Variants in ZNF467 observed in about 807,000 individuals in gnomAD.
The protein encoded by ZNF467 is zinc finger protein EZI.
A neutral mutation model predicts 47.8 loss-of-function variants in ZNF467; 51 were observed. The observed-to-expected ratio is 1.07, with a 90% CI of 0.85 to 1.35. The LOEUF (loss-of-function observed/expected upper bound fraction) is 1.35. Among genes scored for constraint, ZNF467 ranks in the 40% most tolerant of loss-of-function variants. ZNF467 has a pLI of 0.00. For missense variants in ZNF467, 992 were observed against 858.1 expected (o/e 1.16, Z -1.95); for synonymous variants, 416 against 372.9 (o/e 1.12, Z -1.33).
chr7:149,775,118 C>T (rs775293219), upstream of ZNF467, among the ~76,000 whole-genome samples: 9 of 152,166 alleles, frequency 5.9e-5, no homozygotes, highest in Non-Finnish European at 1.3e-4. Context: ...CTTAGCTCTG[C>T]CCCAGGGCTG....
At position 149,764,745 on chromosome 7, in the gene ZNF467, G is replaced by A. The variant is rs558872346; in HGVS notation, c.1757C>T (p.Pro586Leu). 3.2e-5 allele frequency: 50 copies of A among 1,548,640 alleles called. No individual in the cohort carries two copies. Among genetic ancestry groups the A allele is most frequent in the African/African-American group, 2.6e-4 (19 of 73,358 alleles). ...GAAGAGCGGGGGCGGCGCCACCTCG[G>A]GGGGAGCGGACCAGGCTGGGGCCGC... Reference protein sequence around the residue: ...ALAAPAWSAPPEVAPPPLFF With the variant: ...ALAAPAWSAPLEVAPPPLFF The change falls in exon 5 of 5, where the codon CCC becomes CTC. Residue 586 changes from proline to leucine, a missense_variant. Transcript: ENST00000302017.
In ZNF467 at chr7:149,764,957, G is replaced by T; in HGVS notation, c.1545C>A (p.His515Gln). Residue 515 changes from histidine to glutamine, a missense_variant, in exon 5 of 5, where the codon CAC (histidine) becomes CAA (glutamine). Physicochemically the swap from His to Gln is conservative, Grantham distance 24. Coordinates refer to ENST00000302017, the MANE Select transcript of ZNF467 (RefSeq NM_207336.3). ...HQAVHTGSRP[H>Q]ACAVCARSFS... ...AGCTGCGGGCGCAGACGGCGCAGGC[G>T]TGGGGGCGGCTGCCAGTGTGCACCG... 3 of 1,588,640 alleles carry T rather than the reference G, an allele frequency of 1.9e-6. No individual in the cohort carries two copies. The highest frequency in any genetic ancestry group is 1.1e-5 in the South Asian group (1 of 90,224).
intron 4 of ZNF467, among the ~76,000 whole-genome samples, chr7:149,767,150 G>C (rs1799250890): frequency 6.6e-6 from 1 of 152,254 alleles, no homozygotes. Flanking sequence ...CTTTGGTTCA[G>C]TCACTTAACC....
Position 149,765,110 on chromosome 7 carries a change from A to G in ZNF467, c.1392T>C (p.Cys464=), listed in dbSNP as rs2117386423. 2.0e-6 allele frequency: 3 copies of G among 1,471,070 alleles called. No homozygotes were observed. The East Asian group carries it at 8.1e-5, about 40-fold the overall frequency. The allele number at this position is 1,471,070 out of a possible 1,614,324, so 91.1% of individuals were successfully genotyped here. ...TAGGCCGCGAGCCGAAGCGGCGGTC[A>G]CACTGCGTGCAGGCGAAGGGCCGTT... is the stretch of plus-strand genomic sequence containing the variant. ...TGERPFACTQ[C]DRRFGSRPNL... Residue 464 remains cysteine, a synonymous_variant, in exon 5 of 5, where the codon TGT becomes TGC. Coordinates refer to ENST00000302017, the MANE Select transcript of ZNF467 (RefSeq NM_207336.3).
At chr7:149,766,449 C>T (rs750797811) in intron 4 of ZNF467, among the ~76,000 whole-genome samples, 1 of 152,198 alleles carries the variant, frequency 6.6e-6, no homozygotes, top group Non-Finnish European at 1.5e-5. Flanking sequence ...ACACGGCTCC[C>T]GGGGGCTTCT....
chr7:149,773,645 T>TG (rs1036093036), upstream of ZNF467, among the ~76,000 whole-genome samples: 12 of 27,096 alleles, frequency 4.4e-4, no homozygotes, highest in East Asian at 1.3e-3. Flanking sequence ...CGCGAACGGG[T>TG]GGGGGGGTGG....
rs1217544998 is a variant in ZNF467 at position 149,765,224 on chromosome 7, C to G, written c.1278G>C (p.Ser426=). Residue 426 remains serine, a synonymous_variant, in exon 5 of 5, where the codon TCG becomes TCC. Transcript: ENST00000302017. ...SDPVVPQRAP[S]GERSFFCPDC... is the part of the protein sequence containing the mutation. The stretch of plus-strand genomic sequence containing the variant: ...CCGGGCAGAAGAAGGACCGCTCGCC[C>G]GAGGGGGCGCGCTGGGGCACCACGG... 2.7e-5 allele frequency: 40 copies of G among 1,477,640 alleles called. No homozygotes were observed. The highest frequency in any genetic ancestry group is 5.0e-5 in the Admixed American group (2 of 39,928). 91.5% of individuals were successfully genotyped at this position (1,477,640 alleles called of 1,614,324 possible).
intron 1 of ZNF467, among the ~76,000 whole-genome samples, 147 bp downstream of exon 1, chr7:149,772,951 GCCCCCGACCT>G (rs2117477145): frequency 8.4e-6 from 1 of 119,364 alleles, no homozygotes; most frequent in Admixed American, 8.2e-5. Flanking sequence ...CTTCCCCCCA[GCCCCCGACCT>G]CCCCGGACCC....
Position 149,765,566 on chromosome 7 carries a change from CT to C in ZNF467, c.935del (p.Lys312SerfsTer51). ...CCCTTTGGTGCCGCACCAAGTGCTG[CT>C]TGTGCGTGAAGCTGCGTGCGCACTG... ...CAQCARSFTH[K>X]QHLVRHQRVH... On this transcript the variant is annotated frameshift_variant, in exon 5 of 5. Transcript: ENST00000302017. LOFTEE classifies it high-confidence loss of function. The C allele has an allele frequency of 1.3e-6, 2 of 1,588,870 alleles. No homozygotes were observed. The highest frequency in any genetic ancestry group is 1.7e-6 in the Non-Finnish European group (2 of 1,167,580).
chr7:149,768,845 G>C (rs1799299423), intron 4 of ZNF467, among the ~76,000 whole-genome samples: 1 of 152,244 alleles, frequency 6.6e-6, no homozygotes, highest in Admixed American at 6.5e-5. Flanking sequence ...CATTTGAGGG[G>C]AGGCTGTGTT....
chr7:149,773,940 C>T (rs1799506836), upstream of ZNF467, among the ~76,000 whole-genome samples: 1 of 152,184 alleles, frequency 6.6e-6, no homozygotes, highest in African/African-American at 2.4e-5. Context: ...GGCTGGGCCC[C>T]TGTGCTTGCG....
intron 3 of ZNF467, among the ~76,000 whole-genome samples, chr7:149,770,086 C>G (rs1799345701): frequency 6.8e-6 from 1 of 147,004 alleles, no homozygotes; most frequent in Admixed American, 6.8e-5. Flanking sequence ...CTGCAGCTGT[C>G]TCGGCCCCCT....
rs188408041 is a variant in ZNF467 at position 149,764,643 on chromosome 7, C to T, written c.*71G>A. 2.3e-4 allele frequency: 356 copies of T among 1,555,014 alleles called. 2 individuals carry two copies. The African/African-American group carries it at 4.5e-3, about 20-fold the overall frequency. Reference sequence around the variant, plus strand: ...GGGCAGCAGCCCAGGTCGCCTTGCTCACCCCAGGCGGTCTCATGGCACGGG... The same window carrying T: ...GGGCAGCAGCCCAGGTCGCCTTGCTTACCCCAGGCGGTCTCATGGCACGGG... On this transcript the variant is annotated 3_prime_UTR_variant, in exon 5 of 5. Transcript: ENST00000302017.
upstream of ZNF467, among the ~76,000 whole-genome samples, chr7:149,775,855 C>T (rs1282144866): frequency 6.6e-6 from 1 of 152,162 alleles, no homozygotes; most frequent in Admixed American, 6.5e-5. Context: ...CGGTTGTGGG[C>T]AGCTGGTGCC....
At chr7:149,770,592 T>C in intron 2 of ZNF467, 36 bp from the exon 3 acceptor site, 1 of 1,567,706 alleles carries the variant, frequency 6.4e-7, no homozygotes, top group Non-Finnish European at 8.7e-7. Flanking sequence ...AAGTAAAGCA[T>C]CCAGTACAGA....
intron 1 of ZNF467, 73 bp from the exon 2 acceptor site, chr7:149,771,147 C>T (rs1799393603): frequency 7.8e-7 from 1 of 1,287,348 alleles, no homozygotes; most frequent in Non-Finnish European, 1.1e-6. Flanking sequence ...TCTGCCCAAC[C>T]TCTCCCTATG....
upstream of ZNF467, among the ~76,000 whole-genome samples, chr7:149,774,262 C>T (rs527371399): frequency 6.6e-6 from 1 of 152,164 alleles, no homozygotes; most frequent in Non-Finnish European, 1.5e-5. This position sits in a 1 kb window ranked among gnomAD's most constrained non-coding sequence, Gnocchi z 5.7. Flanking sequence ...GCCCAGGTTA[C>T]GAGGTTTCTC....
chr7:149,764,292 G>T lies in ZNF467; in HGVS notation c.*422C>A. ...AAGTGGAGGGGGGTGGTCTGTGTGT[G>T]GATGGAGGTGGGACAGTGGCTAAGG... On this transcript the variant is annotated 3_prime_UTR_variant, in exon 5 of 5. Coordinates refer to ENST00000302017, the MANE Select transcript of ZNF467 (RefSeq NM_207336.3). 1.0e-5 allele frequency: 4 copies of T among 388,030 alleles called. No homozygotes were observed. The highest frequency in any genetic ancestry group is 3.9e-5 in the East Asian group (1 of 25,842). The allele number at this position is 388,030 out of a possible 1,614,324, so 24.0% of individuals were successfully genotyped here.
chr7:149,764,942 G>A lies in ZNF467; in HGVS notation c.1560C>T (p.Cys520=). ...TGSRPHACAV[C]ARSFSSKTNL... ...TGGTTTTGGAGCTGAAGCTGCGGGCGCAGACGGCGCAGGCGTGGGGGCGGC... is the reference window on the plus strand; with the variant it reads ...TGGTTTTGGAGCTGAAGCTGCGGGCACAGACGGCGCAGGCGTGGGGGCGGC... The change falls in exon 5 of 5, where the codon TGC becomes TGT. Residue 520 remains cysteine, a synonymous_variant. Coordinates refer to ENST00000302017, the MANE Select transcript of ZNF467 (RefSeq NM_207336.3). 1 of 1,579,630 alleles carries A rather than the reference G, an allele frequency of 6.3e-7. No individual in the cohort carries two copies. The highest frequency in any genetic ancestry group is 8.5e-7 in the Non-Finnish European group (1 of 1,169,664).
Sources: allele counts gnomAD v4.1 joint callset (sites outside exome capture counted in the v4.1 genomes callset), GRCh38; gene constraint gnomAD v4.1.1; non-coding constraint Gnocchi (gnomAD v3.1); transcripts MANE v1.5; gene names NCBI Gene and HGNC (gene_info 2026-07-23, HGNC 2026-07-21).